NDUFS7: variants seen among roughly 807,000 people sequenced by gnomAD.
NDUFS7 encodes the protein NADH dehydrogenase [ubiquinone] iron-sulfur protein 7, mitochondrial.
In NDUFS7, 11 loss-of-function variants were observed where a neutral mutation model predicts 31.1. That is an observed-to-expected ratio of 0.35 (90% CI 0.22 to 0.59). The LOEUF is 0.59. Ranked by LOEUF, NDUFS7 falls within the 20% of genes least tolerant of loss-of-function variation. The pLI is 0.79. For synonymous variants in NDUFS7, 136 were observed against 127.9 expected, an observed-to-expected ratio of 1.06 and a Z score of -0.43; for missense variants, 263 against 324.2, an observed-to-expected ratio of 0.81 and a Z score of 1.45.
intron 6 of NDUFS7, 77 bp downstream of exon 6, chr19:1,391,242 CAA>C: frequency 6.6e-7 from 1 of 1,509,022 alleles, no homozygotes; most frequent in Non-Finnish European, 9.1e-7. Flanking sequence ...TGGCGCTTAT[CAA>C]AAGTGTCATC....
intron 3 of NDUFS7, 29 bp downstream of exon 3, chr19:1,388,622 A>AC (rs758876232): frequency 2.5e-6 from 4 of 1,598,342 alleles, no homozygotes; most frequent in Non-Finnish European, 3.4e-6. Context: ...GGGAGGTCGT[A>AC]CCCCCTCGCC....
At chr19:1,384,832 G>C (rs2082497082) in intron 1 of NDUFS7, among the ~76,000 whole-genome samples, 1 of 152,182 alleles carries the variant, frequency 6.6e-6, no homozygotes, top group Admixed American at 6.5e-5. Flanking sequence ...TATTTATTAA[G>C]ACAGGGTCTG....
At chr19:1,394,126 TG>T in intron 7 of NDUFS7, 1 of 340,842 alleles carries the variant, frequency 2.9e-6, no homozygotes, top group African/African-American at 2.1e-5. Flanking sequence ...GTCCCGAGTC[TG>T]GGGGTTTGGG....
At chr19:1,389,109 G>A (rs993206483) in intron 4 of NDUFS7, 171 bp downstream of exon 4, 3 of 719,928 alleles carry the variant, frequency 4.2e-6, no homozygotes, top group African/African-American at 1.7e-5. Flanking sequence ...ATGTGTACAC[G>A]GACCACACGC....
rs141837499 is a variant in NDUFS7 at position 1,393,431 on chromosome 19, C to T, written c.544+101C>T. The stretch of plus-strand genomic sequence containing the variant: ...GAGGGAGTCCCACACCCCCAGCAGA[C>T]GGCGGGCTCCCCCATCCTATGGATG... On this transcript the variant is annotated intron_variant, in intron 7 of 7. Coordinates refer to ENST00000233627, the MANE Select transcript of NDUFS7 (RefSeq NM_024407.5). This position sits in a 1 kb window ranked among gnomAD's most constrained non-coding sequence, Gnocchi z 7.3. 4.0e-5 allele frequency: 39 copies of T among 982,568 alleles called. No individual in the cohort carries two copies. In the East Asian group the frequency reaches 8.3e-4, roughly 21 times the overall value. 60.9% of individuals were successfully genotyped at this position (982,568 alleles called of 1,614,324 possible).
rs552393324 is a variant in NDUFS7 at position 1,393,170 on chromosome 19, G to A, written c.456-72G>A. ...TGCAGTTGAAGGCGGGTGGGGATGGGGCGAGGCCTCGTGGAGGGAGGGTGG... is the reference window on the plus strand; with the variant it reads ...TGCAGTTGAAGGCGGGTGGGGATGGAGCGAGGCCTCGTGGAGGGAGGGTGG... On this transcript the variant is annotated intron_variant, in intron 6 of 7. Transcript: ENST00000233627. The surrounding 1 kb of genome is among the most constrained non-coding windows in gnomAD (Gnocchi z 7.3). 37 of 1,285,040 alleles carry A rather than the reference G, an allele frequency of 2.9e-5. No homozygotes were observed. Among genetic ancestry groups the A allele is most frequent in the African/African-American group, 2.2e-4 (15 of 68,102 alleles). 79.6% of individuals were successfully genotyped at this position (1,285,040 alleles called of 1,614,324 possible).
rs1568998316 is a variant in NDUFS7 at position 1,394,531 on chromosome 19, C to CCGCGCTCCTCCCTCCCTGG, written c.545-860_545-859insCGCGCTCCTCCCTCCCTGG. The CCGCGCTCCTCCCTCCCTGG allele has an allele frequency of 1.4e-5, 18 of 1,248,676 alleles. 1 individual carries two copies. In the East Asian group the frequency reaches 4.7e-4, roughly 32 times the overall value. 77.3% of individuals were successfully genotyped at this position (1,248,676 alleles called of 1,614,324 possible). A position where few individuals can be genotyped will look rare whatever the true frequency, so the allele number is the denominator to read the frequency against. ...GACCGTGCTCCTCCCTCCCTCCCTG[C>CCGCGCTCCTCCCTCCCTGG]GGACCGCGCTCCTCCCTCCCTGGGG... On this transcript the variant is annotated intron_variant, in intron 7 of 7. Transcript: ENST00000233627.
intron 1 of NDUFS7, chr19:1,387,026 C>G (rs1165816092): frequency 6.6e-6 from 1 of 152,420 alleles, no homozygotes; most frequent in Non-Finnish European, 1.5e-5. Flanking sequence ...GTCTTCGCCT[C>G]GGGAAGGCTC....
intron 4 of NDUFS7, chr19:1,389,178 T>G (rs541983777): frequency 2.9e-6 from 2 of 693,292 alleles, no homozygotes; most frequent in Non-Finnish European, 5.2e-6. Flanking sequence ...TGCACACACA[T>G]GCACACACAA....
intron 1 of NDUFS7, 79 bp downstream of exon 1, chr19:1,384,021 G>T: frequency 1.4e-6 from 2 of 1,467,612 alleles, no homozygotes; most frequent in Non-Finnish European, 1.8e-6. Context: ...GGTGGCGTCG[G>T]GGGTCGGTGC....
At position 1,388,511 on chromosome 19, in the gene NDUFS7, C is replaced by G. The variant is rs561250647; in HGVS notation, c.54-14C>G. ...CCTGGGACAGCCACTGACCCGCGTT[C>G]CATCTCCCGGCAGCTCCAGCGTGGG... On this transcript the variant is annotated splice_polypyrimidine_tract_variant and intron_variant, in intron 2 of 7. Coordinates refer to ENST00000233627, the MANE Select transcript of NDUFS7 (RefSeq NM_024407.5). The G allele has an allele frequency of 1.2e-6, 2 of 1,610,596 alleles. No individual in the cohort carries two copies. Among genetic ancestry groups the G allele is most frequent in the African/African-American group, 1.3e-5 (1 of 74,920 alleles).
At position 1,393,717 on chromosome 19, in the gene NDUFS7, G is replaced by C. The variant is rs1600153274; in HGVS notation, c.544+387G>C. 3 of 547,986 alleles carry C rather than the reference G, an allele frequency of 5.5e-6. No individual in the cohort carries two copies. Among genetic ancestry groups the C allele is most frequent in the Non-Finnish European group, 6.5e-6 (2 of 305,892 alleles). The allele number at this position is 547,986 out of a possible 1,614,324, so 33.9% of individuals were successfully genotyped here. On this transcript the variant is annotated intron_variant, in intron 7 of 7. Transcript: ENST00000233627. This position sits in a 1 kb window ranked among gnomAD's most constrained non-coding sequence, Gnocchi z 7.3. ...TACAGAAGGGCACGCAGGACTCCCTGGGACCCGGGGTGGCCGGATTTGGCA... is the reference window on the plus strand; with the variant it reads ...TACAGAAGGGCACGCAGGACTCCCTCGGACCCGGGGTGGCCGGATTTGGCA...
In NDUFS7 at chr19:1,385,407, G is replaced by C. The variant is rs977528657; in HGVS notation, c.16+1465G>C. Among the ~76,000 whole-genome samples, 3 of 152,112 alleles carry C rather than the reference G, an allele frequency of 2.0e-5. No individual in the cohort carries two copies. In the East Asian group the frequency reaches 5.8e-4, roughly 29 times the overall value. On this transcript the variant is annotated intron_variant, in intron 1 of 7. Coordinates refer to ENST00000233627, the MANE Select transcript of NDUFS7 (RefSeq NM_024407.5). ...CGCATGCCTGTAATCGCAGCTACTG[G>C]GGGGCTGGGGCAAGAGAATCGCTTG... is the stretch of plus-strand genomic sequence containing the variant.
chr19:1,388,959 G>A (rs1250634583), intron 4 of NDUFS7, 21 bp downstream of exon 4: 2 of 1,583,478 alleles, frequency 1.3e-6, no homozygotes, highest in Non-Finnish European at 8.6e-7. Flanking sequence ...TGAGCTGTAG[G>A]CCCTCCTCGA....
chr19:1,388,271 G>A, intron 2 of NDUFS7: 1 of 597,752 alleles, frequency 1.7e-6, no homozygotes, highest in Non-Finnish European at 3.0e-6. Context: ...ATGATCCTGG[G>A]ACCGTCCTTG....
Position 1,383,937 on chromosome 19 carries a change from T to A in NDUFS7, c.11T>A (p.Leu4Gln). 1 of 1,579,206 alleles carries A rather than the reference T, an allele frequency of 6.3e-7. No homozygotes were observed. The highest frequency in any genetic ancestry group is 8.6e-7 in the Non-Finnish European group (1 of 1,163,908). Residue 4 changes from leucine (L) to glutamine (Q), a missense_variant, in exon 1 of 8, where the codon CTG (leucine) becomes CAG (glutamine). Coordinates refer to ENST00000233627, the MANE Select transcript of NDUFS7 (RefSeq NM_024407.5). ...AAGGCCGAGGCCAAGATGGCGGTGC[T>A]GTCAGGTGAGCGCGGCACCGGCGGC... is the stretch of plus-strand genomic sequence containing the variant. MAV[L>Q]SAPGLRGFRI... is the part of the protein sequence containing the mutation.
chr19:1,388,030 C>T (rs2082521456), intron 2 of NDUFS7, 183 bp downstream of exon 2: 13 of 686,230 alleles, frequency 1.9e-5, no homozygotes, highest in Non-Finnish European at 3.4e-5. Context: ...CTGGGACAGT[C>T]CACGCAGTGG....
intron 4 of NDUFS7, chr19:1,390,402 G>T: frequency 4.4e-6 from 1 of 228,630 alleles, no homozygotes; most frequent in Non-Finnish European, 8.8e-6. Context: ...CGGGAACGGT[G>T]GGGGAAATGA....
chr19:1,391,508 CAG>C (rs1441558837), intron 6 of NDUFS7, among the ~76,000 whole-genome samples: 1 of 136,370 alleles, frequency 7.3e-6, no homozygotes, highest in Non-Finnish European at 1.5e-5. Flanking sequence ...TTTTTTGAGA[CAG>C]AGTCTTGCTC....
Sources: gnomAD v4.1 joint callset for allele counts (sites outside exome capture counted in the v4.1 genomes callset) on GRCh38, gnomAD v4.1.1 for gene constraint, Gnocchi (gnomAD v3.1) non-coding constraint, MANE v1.5 for transcripts, NCBI Gene and HGNC (gene_info 2026-07-23, HGNC 2026-07-21) for gene names.